TPD52L1: variants seen among roughly 807,000 people sequenced by gnomAD.
The protein encoded by TPD52L1 is TPD52 like 1.
TPD52L1 carries 18 observed loss-of-function variants against 28.7 expected under a neutral mutation model. The observed-to-expected ratio is 0.63, with a 90% CI of 0.43 to 0.93. TPD52L1 has a LOEUF of 0.93. Ranked by LOEUF, TPD52L1 falls within the 40% of genes least tolerant of loss-of-function variation. The pLI is 0.00. For missense variants in TPD52L1, 203 were observed against 254.8 expected (o/e 0.80, Z 1.39); for synonymous variants, 75 against 88.8 (o/e 0.84, Z 0.88).
chr6:125,239,655 G>GT lies in TPD52L1; in HGVS notation c.285-8621dup, dbSNP rs1562357352. ...GGGGACCCAGGCAAACCATATCAAT[G>GT]TTTTTTACCCACTTTTTGATGGGGT... On this transcript the variant is annotated intron_variant, in intron 3 of 6. Coordinates refer to ENST00000534000, the MANE Select transcript of TPD52L1 (RefSeq NM_003287.4). Among the ~76,000 whole-genome samples, 3 of 152,030 alleles carry GT rather than the reference G, an allele frequency of 2.0e-5. No individual in the cohort carries two copies. In the East Asian group the frequency reaches 5.8e-4, roughly 29 times the overall value.
At chr6:125,235,696 T>C (rs1796224633) in intron 3 of TPD52L1, among the ~76,000 whole-genome samples, 2 of 152,226 alleles carry the variant, frequency 1.3e-5, no homozygotes, top group Admixed American at 6.5e-5. Context: ...TCTCTTTCAA[T>C]TGTTGATTTC....
rs1562422102 is a variant in TPD52L1, at chr6:125,264,233, A to G, written c.*1271A>G. ...TGGCAGAGATATAGCCTTAAGATAT[A>G]TTTGTAAAATGCACACTGAATAGAC... On this transcript the variant is annotated 3_prime_UTR_variant, in exon 7 of 7. Transcript: ENST00000534000. 6.6e-6 allele frequency: 1 copy of G among 152,220 alleles called. No individual in the cohort carries two copies. 9.4% of individuals were successfully genotyped at this position (152,220 alleles called of 1,614,324 possible).
intron 5 of TPD52L1, 28 bp from the exon 6 acceptor site, chr6:125,257,070 G>A (rs1797650582): frequency 6.2e-7 from 1 of 1,602,160 alleles, no homozygotes. Context: ...GGCCTTTGGA[G>A]CTGACCTCTC....
At chr6:125,173,204 C>T (rs1378362199) in intron 1 of TPD52L1, among the ~76,000 whole-genome samples, 1 of 152,136 alleles carries the variant, frequency 6.6e-6, no homozygotes, top group Non-Finnish European at 1.5e-5. Flanking sequence ...AAGAAAAGTC[C>T]AACTTCCTAT....
At chr6:125,168,165 G>T (rs1791030137) in intron 1 of TPD52L1, among the ~76,000 whole-genome samples, 1 of 151,720 alleles carries the variant, frequency 6.6e-6, no homozygotes, top group Non-Finnish European at 1.5e-5. Context: ...CCCACGTTTT[G>T]GGTACTTACT....
At chr6:125,214,635 A>C (rs1794738738) in intron 1 of TPD52L1, among the ~76,000 whole-genome samples, 1 of 152,188 alleles carries the variant, frequency 6.6e-6, no homozygotes, top group African/African-American at 2.4e-5. Context: ...CAAATGCCAA[A>C]ATCCTAAATA....
intron 1 of TPD52L1, chr6:125,203,641 T>C (rs1793934307): frequency 3.0e-6 from 3 of 985,318 alleles, no homozygotes; most frequent in Admixed American, 6.2e-5. Context: ...GCAGAAACCC[T>C]TGGTGTGTGC....
At chr6:125,205,657 G>C (rs746324151) in intron 1 of TPD52L1, among the ~76,000 whole-genome samples, 7 of 152,078 alleles carry the variant, frequency 4.6e-5, no homozygotes, top group Admixed American at 1.3e-4. Flanking sequence ...CCACCCTTTA[G>C]GACCATGTGG....
chr6:125,171,326 A>T (rs1791284758), intron 1 of TPD52L1, among the ~76,000 whole-genome samples: 1 of 152,130 alleles, frequency 6.6e-6, no homozygotes, highest in Non-Finnish European at 1.5e-5. Flanking sequence ...TGGCAGACAG[A>T]CCCTAAGGTG....
At chr6:125,250,135 A>T (rs1337956271) in intron 4 of TPD52L1, among the ~76,000 whole-genome samples, 1 of 152,194 alleles carries the variant, frequency 6.6e-6, no homozygotes, top group Non-Finnish European at 1.5e-5. Context: ...ATGTTTATAA[A>T]ATTGATTCTC....
Position 125,262,950 on chromosome 6 carries a change from G to A in TPD52L1, c.603G>A (p.Glu201=). 6.2e-7 allele frequency: 1 copy of A among 1,613,734 alleles called. No homozygotes were observed. The highest frequency in any genetic ancestry group is 8.5e-7 in the Non-Finnish European group (1 of 1,179,862). The part of the protein sequence containing the change: ...AGGSRRTKEE[E]LQC ...GCTCCCGGCGGACCAAGGAGGAGGAGCTGCAGTGCTAAGTCCAGCCAGCGT... is the reference window on the plus strand; with the variant it reads ...GCTCCCGGCGGACCAAGGAGGAGGAACTGCAGTGCTAAGTCCAGCCAGCGT... Residue 201 remains glutamate (E), a synonymous_variant, in exon 7 of 7, where the codon GAG becomes GAA. Coordinates refer to ENST00000534000, the MANE Select transcript of TPD52L1 (RefSeq NM_003287.4).
intron 1 of TPD52L1, among the ~76,000 whole-genome samples, chr6:125,157,763 A>G (rs1790232358): frequency 1.3e-5 from 2 of 152,124 alleles, no homozygotes; most frequent in Non-Finnish European, 2.9e-5. Flanking sequence ...TCTCCTTTTA[A>G]CATTTGCATA....
chr6:125,225,330 G>A (rs1795536516), intron 2 of TPD52L1, among the ~76,000 whole-genome samples: 1 of 152,202 alleles, frequency 6.6e-6, no homozygotes, highest in Non-Finnish European at 1.5e-5. Flanking sequence ...GTATTTGTTT[G>A]AGTACCAGTT....
At chr6:125,176,775 C>T (rs187485822) in intron 1 of TPD52L1, among the ~76,000 whole-genome samples, 2 of 152,220 alleles carry the variant, frequency 1.3e-5, no homozygotes, top group East Asian at 3.9e-4. Flanking sequence ...GTGACTCACA[C>T]CTGTAATCCC....
chr6:125,237,769 G>A (rs180930273), intron 3 of TPD52L1, among the ~76,000 whole-genome samples: 58 of 151,924 alleles, frequency 3.8e-4, no homozygotes, highest in Admixed American at 7.2e-4. Context: ...TCAGCCTCCC[G>A]AGTTGCTGGG....
At chr6:125,242,723 G>A (rs780666832) in intron 3 of TPD52L1, among the ~76,000 whole-genome samples, 7 of 152,096 alleles carry the variant, frequency 4.6e-5, no homozygotes, top group African/African-American at 7.2e-5. Flanking sequence ...CAGATACTTG[G>A]TTGGTGGTTT....
intron 1 of TPD52L1, among the ~76,000 whole-genome samples, chr6:125,162,580 G>A (rs572331027): frequency 6.6e-6 from 1 of 152,280 alleles, no homozygotes; most frequent in Non-Finnish European, 1.5e-5. Context: ...GGAGGGAAAA[G>A]GGCATAGTGA....
At chr6:125,176,287 A>G (rs1034281962) in intron 1 of TPD52L1, among the ~76,000 whole-genome samples, 33 of 152,226 alleles carry the variant, frequency 2.2e-4, no homozygotes, top group African/African-American at 7.7e-4. Flanking sequence ...TTGCTTAAAA[A>G]CATTATTCTG....
At chr6:125,253,500 A>G in intron 4 of TPD52L1, 1 of 552,972 alleles carries the variant, frequency 1.8e-6, no homozygotes. Flanking sequence ...ATAATATGCA[A>G]CCACGGATCC....
Sources: gnomAD v4.1 joint callset for allele counts (sites outside exome capture counted in the v4.1 genomes callset) on GRCh38, gnomAD v4.1.1 for gene constraint, MANE v1.5 for transcripts, NCBI Gene and HGNC (gene_info 2026-07-23, HGNC 2026-07-21) for gene names.